Variants in SCAPER observed in about 807,000 individuals in gnomAD.
SCAPER encodes the protein S-phase cyclin A associated protein in the ER.
In SCAPER, 98 loss-of-function variants were observed where a neutral mutation model predicts 182.2. The observed-to-expected ratio is 0.54, with a 90% CI of 0.46 to 0.64. SCAPER has a LOEUF of 0.64. Ranked by LOEUF, SCAPER falls within the 30% of genes least tolerant of loss-of-function variation. The pLI, the probability that SCAPER is intolerant of heterozygous loss-of-function variation, is 0.00. For missense variants in SCAPER, 1,432 were observed against 1,690.0 expected (o/e 0.85, Z 2.68); for synonymous variants, 605 against 564.6 (o/e 1.07, Z -1.01).
At chr15:76,805,432 T>C (rs2066079717) in intron 5 of SCAPER, among the ~76,000 whole-genome samples, 1 of 152,188 alleles carries the variant, frequency 6.6e-6, no homozygotes, top group African/African-American at 2.4e-5. Flanking sequence ...ACTTGCTGCT[T>C]TCTGACTTTT....
rs536721900 is a variant in SCAPER at position 76,503,099 on chromosome 15, C to T, written c.2954+1760G>A. ...AACAAAACAAAAACAAAACAAAAAA[C>T]CTCCAGGTGAATTTAAGATGAACAA... On this transcript the variant is annotated intron_variant, in intron 24 of 31. Transcript: ENST00000563290. Among the ~76,000 whole-genome samples, 7 of 152,166 alleles carry T rather than the reference C, an allele frequency of 4.6e-5. No individual in the cohort carries two copies. In the South Asian group the frequency reaches 1.5e-3, roughly 32 times the overall value.
Position 76,734,438 on chromosome 15 carries a change from G to A in SCAPER, c.1867-1054C>T, listed in dbSNP as rs184834510. Among the ~76,000 whole-genome samples the A allele has an allele frequency of 2.3e-3, 349 of 152,278 alleles. 1 individual carries two copies. Among genetic ancestry groups the A allele is most frequent in the South Asian group, 0.017 (83 of 4,826 alleles). On this transcript the variant is annotated intron_variant, in intron 15 of 31. Transcript: ENST00000563290. ...CCATGCTGGATGGAACAAAACCTAC[G>A]TTAAGATATTTTATAAATCTCAGAA...
intron 21 of SCAPER, among the ~76,000 whole-genome samples, chr15:76,648,867 C>G (rs2054774233): frequency 6.6e-6 from 1 of 152,206 alleles, no homozygotes; most frequent in Admixed American, 6.5e-5. Flanking sequence ...TTCTTTGTCA[C>G]CACATGTGCA....
chr15:76,625,062 G>A (rs2146150563), intron 21 of SCAPER, among the ~76,000 whole-genome samples: 1 of 152,286 alleles, frequency 6.6e-6, no homozygotes, highest in Non-Finnish European at 1.5e-5. Flanking sequence ...AGCCCCCAGA[G>A]AGAGTACTCG....
intron 2 of SCAPER, among the ~76,000 whole-genome samples, chr15:76,875,664 A>C (rs1330615456): frequency 6.6e-6 from 1 of 152,084 alleles, no homozygotes; most frequent in Non-Finnish European, 1.5e-5. Flanking sequence ...CGTTGCCCTG[A>C]GTGTTACAGT....
At chr15:76,743,607 C>T (rs1463932051) in intron 15 of SCAPER, among the ~76,000 whole-genome samples, 1 of 151,796 alleles carries the variant, frequency 6.6e-6, no homozygotes, top group Admixed American at 6.6e-5. Context: ...GGTGAAAGAA[C>T]TGAACAAGGA....
In SCAPER at chr15:76,744,041, G is replaced by T. The variant is rs112925442; in HGVS notation, c.1866+9767C>A. Among the ~76,000 whole-genome samples, 1,202 of 152,224 alleles carry T rather than the reference G, an allele frequency of 7.9e-3. 11 individuals are homozygous for T. Among genetic ancestry groups the T allele is most frequent in the African/African-American group, 0.027 (1,140 of 41,536 alleles). On this transcript the variant is annotated intron_variant, in intron 15 of 31. Coordinates refer to ENST00000563290, the MANE Select transcript of SCAPER (RefSeq NM_020843.4). The stretch of plus-strand genomic sequence containing the variant: ...TCAACAAAAACAAGCAATGGGAAAA[G>T]GACTCCTTCTTCAATAAATGGCACT...
rs192235014 is a variant in SCAPER at position 76,625,580 on chromosome 15, C to T, written c.2646-3751G>A. 1.1e-4 allele frequency among the ~76,000 whole-genome samples: 17 copies of T among 152,178 alleles called. No homozygotes were observed. In the East Asian group the frequency reaches 2.9e-3, roughly 26 times the overall value. On this transcript the variant is annotated intron_variant, in intron 21 of 31. Transcript: ENST00000563290. ...TTATGGAAATGCAGAAGCTGTTGGACCCCTGGGCAGAATGTAGCTCTGGTA... is the reference window on the plus strand; with the variant it reads ...TTATGGAAATGCAGAAGCTGTTGGATCCCTGGGCAGAATGTAGCTCTGGTA...
At chr15:76,393,352 C>G (rs1035055338) in intron 27 of SCAPER, among the ~76,000 whole-genome samples, 2 of 152,206 alleles carry the variant, frequency 1.3e-5, no homozygotes, top group African/African-American at 4.8e-5. Flanking sequence ...AATGTTACTT[C>G]TTTTAGTTCC....
intron 30 of SCAPER, 60 bp from the exon 31 acceptor site, chr15:76,351,348 G>A: frequency 1.4e-6 from 2 of 1,475,364 alleles, no homozygotes; most frequent in Non-Finnish European, 9.2e-7. Flanking sequence ...TTTCACTAAG[G>A]GTGGCTTTAA....
In SCAPER at chr15:76,347,985, A is replaced by C. The variant is rs1406663993; in HGVS notation, c.*648T>G. The C allele has an allele frequency of 6.6e-6, 1 of 152,254 alleles. No individual in the cohort carries two copies. Among genetic ancestry groups the C allele is most frequent in the Non-Finnish European group, 1.5e-5 (1 of 68,050 alleles). 9.4% of individuals were successfully genotyped at this position (152,254 alleles called of 1,614,324 possible). On this transcript the variant is annotated 3_prime_UTR_variant, in exon 32 of 32. Transcript: ENST00000563290. ...ATACTCTAGGGTGATTCACTAGGAC[A>C]CATCTTTTTTATCACTAATTTTTCC...
intron 22 of SCAPER, among the ~76,000 whole-genome samples, chr15:76,611,901 T>A (rs1184021464): frequency 6.6e-6 from 1 of 152,210 alleles, no homozygotes; most frequent in Non-Finnish European, 1.5e-5. Context: ...CATCCATTCA[T>A]GTTAAAAACT....
At chr15:76,790,801 T>C (rs1283909702) in intron 8 of SCAPER, among the ~76,000 whole-genome samples, 2 of 152,192 alleles carry the variant, frequency 1.3e-5, no homozygotes, top group Non-Finnish European at 2.9e-5. Context: ...TGGCTTCTTT[T>C]ATTTTCTCTA....
At chr15:76,874,516 C>T (rs2073010365) in intron 2 of SCAPER, among the ~76,000 whole-genome samples, 1 of 150,484 alleles carries the variant, frequency 6.6e-6, no homozygotes, top group African/African-American at 2.4e-5. Context: ...TATTTAAAAA[C>T]ACTAATGAAA....
rs933051081 is a variant in SCAPER, at chr15:76,763,095, T to G, written c.1725+1866A>C. Among the ~76,000 whole-genome samples, 22 of 152,328 alleles carry G rather than the reference T, an allele frequency of 1.4e-4. 1 individual carries two copies. The highest frequency in any genetic ancestry group is 1.3e-3 in the Admixed American group (20 of 15,296). On this transcript the variant is annotated intron_variant, in intron 14 of 31. Transcript: ENST00000563290. ...TACGCTTTTACATTGGTGTTTATCA[T>G]TTTTTCTATTCCATTTAAAGAACTC...
At chr15:76,729,944 T>C (rs985352565) in intron 16 of SCAPER, among the ~76,000 whole-genome samples, 1 of 152,128 alleles carries the variant, frequency 6.6e-6, no homozygotes, top group Non-Finnish European at 1.5e-5. Context: ...CGGTAGCCTC[T>C]CCTCTATAAT....
chr15:76,569,519 G>A (rs948219871), intron 23 of SCAPER, among the ~76,000 whole-genome samples: 24 of 152,076 alleles, frequency 1.6e-4, no homozygotes, highest in Admixed American at 3.3e-4. Context: ...TCACTGTGAC[G>A]TTTGTGAACA....
rs1345289643 is a variant in SCAPER at position 76,675,188 on chromosome 15, T to C, written c.2509-9399A>G. On this transcript the variant is annotated intron_variant, in intron 20 of 31. Transcript: ENST00000563290. Reference sequence around the variant, plus strand: ...ACCATAATAGTTTACAAAAGAGTCATTTTGTAGAGAAAAATAATATATACA... The same window carrying C: ...ACCATAATAGTTTACAAAAGAGTCACTTTGTAGAGAAAAATAATATATACA... 3.3e-5 allele frequency among the ~76,000 whole-genome samples: 5 copies of C among 152,326 alleles called. No homozygotes were observed. The East Asian group carries it at 9.6e-4, about 29-fold the overall frequency.
In SCAPER at chr15:76,381,520, T is replaced by A. The variant is rs1250771306; in HGVS notation, c.3563A>T (p.Tyr1188Phe). The change falls in exon 28 of 32, where the codon TAC becomes TTC. Residue 1188 changes from tyrosine to phenylalanine, a missense_variant. By Grantham distance (22) the Tyr-to-Phe change is conservative. Around this residue, in one of 5 missense-constraint regions of SCAPER, gnomAD observed 718 missense variants for 799.7 expected, o/e 0.90. Coordinates refer to ENST00000563290, the MANE Select transcript of SCAPER (RefSeq NM_020843.4). ...TDLAGVLHMLYCVLFHGTILD... is the reference protein window; with the variant it reads ...TDLAGVLHMLFCVLFHGTILD... ...GATGGTGCCATGGAAGAGGACACAG[T>A]AGAGCATATGAAGAACTCCAGCCAG... 3.7e-6 allele frequency: 6 copies of A among 1,613,348 alleles called. No homozygotes were observed. Among genetic ancestry groups the A allele is most frequent in the Non-Finnish European group, 5.1e-6 (6 of 1,179,682 alleles).
Sources: gnomAD v4.1 joint callset for allele counts (sites outside exome capture counted in the v4.1 genomes callset) on GRCh38, gnomAD v4.1.1 for gene constraint, gnomAD v4.1.1 regional missense constraint, MANE v1.5 for transcripts, NCBI Gene and HGNC (gene_info 2026-07-23, HGNC 2026-07-21) for gene names.